AGR3: variants seen among roughly 807,000 people sequenced by gnomAD.
AGR3 encodes the protein anterior gradient protein 3.
In AGR3, 37 loss-of-function variants were observed where a neutral mutation model predicts 24.5. The ratio of observed to expected loss-of-function variants is 1.51; its 90% confidence interval spans 1.16 to 1.99. The LOEUF (loss-of-function observed/expected upper bound fraction) is 1.99, where lower values mean the gene tolerates loss of function less well. Among genes scored for constraint, AGR3 ranks in the 30% most tolerant of loss-of-function variants. AGR3 has a pLI of 0.00. For synonymous variants in AGR3, 75 were observed against 61.6 expected, an observed-to-expected ratio of 1.22 and a Z score of -1.02; for missense variants, 228 against 191.1, an observed-to-expected ratio of 1.19 and a Z score of -1.14.
intron 2 of AGR3, among the ~76,000 whole-genome samples, chr7:16,875,846 G>A (rs1053402252): frequency 2.0e-5 from 3 of 152,104 alleles, no homozygotes; most frequent in Admixed American, 1.3e-4. Context: ...AATCCTGAAA[G>A]ATTCTCTTTC....
downstream of AGR3, among the ~76,000 whole-genome samples, chr7:16,855,309 A>G (rs55708708): frequency 0.28 from 43,272 of 151,846 alleles, 6,431 homozygotes; most frequent in South Asian, 0.39. Flanking sequence ...TTTTTTTGTG[A>G]AAGGGACACA....
At chr7:16,873,655 C>T in intron 3 of AGR3, 125 bp downstream of exon 3, 5 of 718,810 alleles carry the variant, frequency 7.0e-6, no homozygotes, top group Non-Finnish European at 1.2e-5. Context: ...ATGCTAATTA[C>T]ACTGATTTGA....
chr7:16,878,120 T>A (rs1171697911), intron 2 of AGR3, among the ~76,000 whole-genome samples: 2 of 151,942 alleles, frequency 1.3e-5, no homozygotes, highest in African/African-American at 2.4e-5. Context: ...ATTCCAATTT[T>A]TTTTTTTTTG....
chr7:16,867,593 C>A (rs763083384), intron 3 of AGR3, among the ~76,000 whole-genome samples: 9 of 152,134 alleles, frequency 5.9e-5, no homozygotes, highest in Non-Finnish European at 7.3e-5. Flanking sequence ...CAATGTACAA[C>A]AGATCTCTTC....
chr7:16,859,586 A>T lies in AGR3; in HGVS notation c.497T>A (p.Leu166Gln). Residue 166 changes from leucine (L) to glutamine (Q), a missense_variant, in exon 8 of 8, where the codon CTA becomes CAA. Physicochemically the swap from Leu to Gln is moderately radical, Grantham distance 113. Transcript: ENST00000310398. Reference protein sequence around the residue: ...KKALRLIQSEL With the variant: ...KKALRLIQSEQ ...AAGGCTTTTTTCCATCATCTCTTAT[A>T]GCTCTGACTGAATAAGTCTTAATGC... 6.4e-7 allele frequency: 1 copy of T among 1,555,180 alleles called. No individual in the cohort carries two copies. The highest frequency in any genetic ancestry group is 8.8e-7 in the Non-Finnish European group (1 of 1,140,908).
downstream of AGR3, among the ~76,000 whole-genome samples, chr7:16,858,609 G>A (rs1781585505): frequency 6.6e-6 from 1 of 151,982 alleles, no homozygotes; most frequent in Non-Finnish European, 1.5e-5. Flanking sequence ...CAGTGGCTCG[G>A]GCCTGTAATC....
chr7:16,860,383 C>G, intron 7 of AGR3, 117 bp downstream of exon 7: 1 of 761,016 alleles, frequency 1.3e-6, no homozygotes, highest in African/African-American at 1.7e-5. Flanking sequence ...CATTTAAACA[C>G]CACCACTAGC....
intron 3 of AGR3, chr7:16,864,949 T>C: frequency 1.0e-6 from 1 of 992,614 alleles, no homozygotes; most frequent in South Asian, 1.3e-5. Flanking sequence ...GTAGTTTTGG[T>C]GAAGATATAA....
At chr7:16,871,842 A>G (rs1781872012) in intron 3 of AGR3, among the ~76,000 whole-genome samples, 1 of 152,158 alleles carries the variant, frequency 6.6e-6, no homozygotes, top group African/African-American at 2.4e-5. Context: ...CTCCATCTCA[A>G]AAAAACAACA....
intron 3 of AGR3, among the ~76,000 whole-genome samples, chr7:16,871,513 T>C (rs960602332): frequency 1.3e-5 from 2 of 151,792 alleles, no homozygotes; most frequent in Non-Finnish European, 1.5e-5. Flanking sequence ...ACAAACTAGC[T>C]GAAAAAAAGA....
intron 3 of AGR3, chr7:16,865,746 G>A (rs1248165954): frequency 1.3e-6 from 1 of 755,010 alleles, no homozygotes; most frequent in Non-Finnish European, 2.5e-6. Context: ...GACTGATAGG[G>A]AAACATATGG....
chr7:16,856,994 A>G (rs1223792691), downstream of AGR3, among the ~76,000 whole-genome samples: 1 of 145,256 alleles, frequency 6.9e-6, no homozygotes. Context: ...TTTTTTTTTA[A>G]ACACGTTGTG....
chr7:16,865,022 A>T, intron 3 of AGR3: 5 of 841,468 alleles, frequency 5.9e-6, no homozygotes, highest in Non-Finnish European at 6.3e-6. Context: ...ACAAGTATGT[A>T]TCCTGTTCAT....
intron 3 of AGR3, chr7:16,864,449 C>T (rs1209189595): frequency 4.6e-6 from 6 of 1,304,384 alleles, no homozygotes; most frequent in African/African-American, 4.4e-5. Flanking sequence ...GAATGTCCTC[C>T]GTTAAGCTGG....
At chr7:16,862,945 C>T (rs1005801282) in intron 3 of AGR3, among the ~76,000 whole-genome samples, 1 of 152,186 alleles carries the variant, frequency 6.6e-6, no homozygotes, top group African/African-American at 2.4e-5. Flanking sequence ...GTGGTGTGAG[C>T]CTGTAGTCCC....
At chr7:16,876,595 C>T (rs1781990423) in intron 2 of AGR3, among the ~76,000 whole-genome samples, 1 of 152,110 alleles carries the variant, frequency 6.6e-6, no homozygotes, top group Non-Finnish European at 1.5e-5. Context: ...CTTTAATCTT[C>T]ATTCATTCTG....
rs944853010 is a variant in AGR3 at position 16,873,859 on chromosome 7, G to A, written c.110-16C>T. 2 of 1,599,240 alleles carry A rather than the reference G, an allele frequency of 1.3e-6. No individual in the cohort carries two copies. The highest frequency in any genetic ancestry group is 1.1e-5 in the South Asian group (1 of 90,756). ...TCTCCCCATCCTGAAATAGAAGAGA[G>A]AAATCAATGCAGTAACCCAGAACTA... On this transcript the variant is annotated splice_polypyrimidine_tract_variant and intron_variant, in intron 2 of 7. Transcript: ENST00000310398.
intron 7 of AGR3, 68 bp from the exon 8 acceptor site, chr7:16,859,699 T>C: frequency 9.5e-7 from 1 of 1,048,376 alleles, no homozygotes. Flanking sequence ...ATCTATTAAC[T>C]CTAGAACCTG....
At chr7:16,863,002 T>C (rs4316062) in intron 3 of AGR3, among the ~76,000 whole-genome samples, 129,830 of 152,074 alleles carry the variant, frequency 0.85, 58,551 homozygotes, top group Non-Finnish European at 1. Flanking sequence ...ACCCAGGAGG[T>C]GAGGTTGCGG....
Sources: allele counts gnomAD v4.1 joint callset (sites outside exome capture counted in the v4.1 genomes callset), GRCh38; gene constraint gnomAD v4.1.1; transcripts MANE v1.5; gene names NCBI Gene and HGNC (gene_info 2026-07-23, HGNC 2026-07-21).